The following NOSTRIN variants were observed in gnomAD, a reference collection of about 807,000 sequenced individuals.
NOSTRIN encodes the protein BM247 homolog.
In NOSTRIN, 63 loss-of-function variants were observed where a neutral mutation model predicts 59.0. That is an observed-to-expected ratio of 1.07 (90% CI 0.87 to 1.32). The LOEUF (loss-of-function observed/expected upper bound fraction) is 1.32. NOSTRIN is among the 40% of genes most tolerant of loss of function. The pLI, the probability that NOSTRIN is intolerant of heterozygous loss-of-function variation, is 0.00. For synonymous variants in NOSTRIN, 200 were observed against 165.4 expected, an observed-to-expected ratio of 1.21 and a Z score of -1.61; for missense variants, 512 against 473.1, an observed-to-expected ratio of 1.08 and a Z score of -0.76.
intron 1 of NOSTRIN, among the ~76,000 whole-genome samples, chr2:168,804,837 C>G (rs1187662340): frequency 6.6e-6 from 1 of 152,132 alleles, no homozygotes; most frequent in South Asian, 2.1e-4. Flanking sequence ...AGGCAACAAG[C>G]CCCAATACTA....
At chr2:168,815,947 C>T (rs1001856973) in intron 2 of NOSTRIN, among the ~76,000 whole-genome samples, 4 of 152,222 alleles carry the variant, frequency 2.6e-5, no homozygotes, top group African/African-American at 9.6e-5. Context: ...CTGTCCATCT[C>T]AACTCATGAC....
At chr2:168,830,662 T>C (rs1574290606) in intron 5 of NOSTRIN, among the ~76,000 whole-genome samples, 2 of 152,204 alleles carry the variant, frequency 1.3e-5, no homozygotes, top group East Asian at 3.8e-4. Context: ...ATTATTACTG[T>C]CTCTTTGGCT....
chr2:168,819,943 G>A lies in NOSTRIN; in HGVS notation c.114-4691G>A, dbSNP rs532246064. On this transcript the variant is annotated intron_variant, in intron 2 of 15. Transcript: ENST00000317647. ...CCAAATGCCTTGCAACTGCACAGATGCCTTTGGAACAGGCCTGGAAGCTCG... is the reference window on the plus strand; with the variant it reads ...CCAAATGCCTTGCAACTGCACAGATACCTTTGGAACAGGCCTGGAAGCTCG... Among the ~76,000 whole-genome samples, 5 of 152,258 alleles carry A rather than the reference G, an allele frequency of 3.3e-5. No homozygotes were observed. The South Asian group carries it at 8.3e-4, about 25-fold the overall frequency.
chr2:168,793,387 G>C (rs1452537174), upstream of NOSTRIN, among the ~76,000 whole-genome samples: 1 of 152,142 alleles, frequency 6.6e-6, no homozygotes, highest in Non-Finnish European at 1.5e-5. Context: ...TGGGTGGATT[G>C]CTTGAGCCCA....
At chr2:168,863,296 A>G (rs533492) in intron 15 of NOSTRIN, 449,824 of 542,772 alleles carry the variant, frequency 0.83, 187,180 homozygotes, top group African/African-American at 0.97. Context: ...GACCGAGAAT[A>G]ATGTCCTTTA....
At chr2:168,853,771 G>A (rs1341627882) in intron 10 of NOSTRIN, among the ~76,000 whole-genome samples, 1 of 152,120 alleles carries the variant, frequency 6.6e-6, no homozygotes, top group African/African-American at 2.4e-5. Flanking sequence ...GAGCATTTGG[G>A]GTCAACTTGG....
At chr2:168,859,358 T>C (rs1452907781) in intron 12 of NOSTRIN, 154 bp from the exon 13 acceptor site, 1 of 1,041,836 alleles carries the variant, frequency 9.6e-7, no homozygotes, top group Non-Finnish European at 1.3e-6. Context: ...TATTCCTCCA[T>C]TTTTTTTTCC....
intron 15 of NOSTRIN, 61 bp from the exon 16 acceptor site, chr2:168,864,773 A>G: frequency 6.3e-7 from 1 of 1,586,720 alleles, no homozygotes; most frequent in Non-Finnish European, 8.6e-7. Flanking sequence ...AACTCTTATC[A>G]ATCGGGCTGA....
intron 2 of NOSTRIN, among the ~76,000 whole-genome samples, chr2:168,817,537 G>A (rs1450226740): frequency 8.2e-6 from 1 of 121,980 alleles, no homozygotes; most frequent in Non-Finnish European, 1.7e-5. Flanking sequence ...GAAAAGCTTG[G>A]AAAACTGCCT....
At chr2:168,822,699 C>T (rs970210407) in intron 2 of NOSTRIN, among the ~76,000 whole-genome samples, 2 of 152,118 alleles carry the variant, frequency 1.3e-5, no homozygotes, top group African/African-American at 4.8e-5. Context: ...ATAGATGGGT[C>T]TGTAAATAGG....
intron 1 of NOSTRIN, among the ~76,000 whole-genome samples, chr2:168,806,433 G>A (rs1001896764): frequency 1.3e-5 from 2 of 152,088 alleles, no homozygotes; most frequent in South Asian, 2.1e-4. Flanking sequence ...AACATTTCAT[G>A]TGCTGACTGG....
chr2:168,864,059 C>T lies in NOSTRIN; in HGVS notation c.1385-775C>T, dbSNP rs566369799. Reference sequence around the variant, plus strand: ...CCAAGCTCACTGCAACCTCCGTCTCCTGGATTCAAGTGATTCTCCTGCCTC... The same window carrying T: ...CCAAGCTCACTGCAACCTCCGTCTCTTGGATTCAAGTGATTCTCCTGCCTC... On this transcript the variant is annotated intron_variant, in intron 15 of 15. Coordinates refer to ENST00000317647, the MANE Select transcript of NOSTRIN (RefSeq NM_001039724.4). Among the ~76,000 whole-genome samples, 5 of 151,724 alleles carry T rather than the reference C, an allele frequency of 3.3e-5. No individual in the cohort carries two copies. In the East Asian group the frequency reaches 9.8e-4, roughly 30 times the overall value.
At chr2:168,790,932 A>T (rs1383380950) in intron 2 of NOSTRIN, among the ~76,000 whole-genome samples, 1 of 152,202 alleles carries the variant, frequency 6.6e-6, no homozygotes, top group Non-Finnish European at 1.5e-5. Flanking sequence ...CTTGTAACGA[A>T]CTTGCAATTT....
chr2:168,789,632 G>A (rs1248838446), intron 2 of NOSTRIN, among the ~76,000 whole-genome samples: 1 of 152,114 alleles, frequency 6.6e-6, no homozygotes, highest in African/African-American at 2.4e-5. Flanking sequence ...AACAAGTCAT[G>A]AGCCCAGCCC....
chr2:168,825,551 T>G (rs1333008715), intron 3 of NOSTRIN, among the ~76,000 whole-genome samples: 1 of 152,224 alleles, frequency 6.6e-6, no homozygotes, highest in Admixed American at 6.5e-5. Flanking sequence ...TGTGTGTGTG[T>G]GGGCATATTA....
At chr2:168,828,799 CTTA>C (rs1210962864) in intron 5 of NOSTRIN, among the ~76,000 whole-genome samples, 1 of 151,906 alleles carries the variant, frequency 6.6e-6, no homozygotes, top group Non-Finnish European at 1.5e-5. Context: ...GATTCAAAAT[CTTA>C]TTGTAGAAGA....
chr2:168,837,798 C>T (rs926420008), intron 7 of NOSTRIN, among the ~76,000 whole-genome samples: 1 of 152,160 alleles, frequency 6.6e-6, no homozygotes, highest in South Asian at 2.1e-4. Flanking sequence ...GTTAACTTCT[C>T]GGAAGTATTA....
intron 10 of NOSTRIN, among the ~76,000 whole-genome samples, chr2:168,852,807 A>G (rs1480521363): frequency 6.6e-6 from 1 of 152,060 alleles, no homozygotes; most frequent in South Asian, 2.1e-4. Context: ...TTTTTTTCCT[A>G]CCTTGGCAAA....
chr2:168,862,094 A>G (rs1689494897), intron 15 of NOSTRIN, 45 bp downstream of exon 15: 1 of 1,538,248 alleles, frequency 6.5e-7, no homozygotes, highest in Non-Finnish European at 9.0e-7. Flanking sequence ...CCATATTGAG[A>G]TTCTTAGCAT....
Sources: allele counts gnomAD v4.1 joint callset (sites outside exome capture counted in the v4.1 genomes callset), GRCh38; gene constraint gnomAD v4.1.1; transcripts MANE v1.5; gene names NCBI Gene and HGNC (gene_info 2026-07-23, HGNC 2026-07-21).